The following SLC39A11 variants were observed in gnomAD, a reference collection of about 807,000 sequenced individuals.
SLC39A11 encodes the protein zinc transporter ZIP11.
In SLC39A11, 33 loss-of-function variants were observed where a neutral mutation model predicts 36.1. The observed-to-expected ratio is 0.91, with a 90% CI of 0.69 to 1.22. SLC39A11 has a LOEUF of 1.22. Ranked by LOEUF, SLC39A11 falls within the 50% of genes most tolerant of loss-of-function variation. The probability of loss-of-function intolerance (pLI) is 0.00; values close to 1 mark genes in which losing one functional copy is unlikely to be tolerated. For missense variants in SLC39A11, 432 were observed against 430.3 expected, an observed-to-expected ratio of 1.00 and a Z score of -0.03; for synonymous variants, 166 against 170.3, an observed-to-expected ratio of 0.97 and a Z score of 0.20.
At chr17:72,981,637 G>A (rs1038197924) in intron 4 of SLC39A11, among the ~76,000 whole-genome samples, 2 of 146,118 alleles carry the variant, frequency 1.4e-5, no homozygotes, top group African/African-American at 5.0e-5. Flanking sequence ...AAAAAAATAG[G>A]TATTTTTAAT....
chr17:72,782,986 C>T (rs1461247865), intron 6 of SLC39A11, among the ~76,000 whole-genome samples: 2 of 131,296 alleles, frequency 1.5e-5, no homozygotes, highest in African/African-American at 5.8e-5. Context: ...TGGATGACAG[C>T]GCAAGACTCT....
rs561995813 is a variant in SLC39A11, at chr17:72,802,100, A to G, written c.601+47534T>C. On this transcript the variant is annotated intron_variant, in intron 6 of 9. Transcript: ENST00000255559. ...CTGATTAAGGGGATTAAGGGAATGA[A>G]TCCCACCATCTCTGAATCTGGCTTC... Among the ~76,000 whole-genome samples the G allele has an allele frequency of 7.2e-5, 11 of 152,346 alleles. 1 individual carries two copies. Among genetic ancestry groups the G allele is most frequent in the African/African-American group, 2.4e-4 (10 of 41,576 alleles).
intron 5 of SLC39A11, among the ~76,000 whole-genome samples, chr17:72,881,623 T>C (rs1458888592): frequency 6.6e-6 from 1 of 152,248 alleles, no homozygotes; most frequent in East Asian, 1.9e-4. Flanking sequence ...TTTTATTTTT[T>C]TTTACTAAGT....
chr17:73,042,522 T>G (rs761600726), intron 3 of SLC39A11, among the ~76,000 whole-genome samples: 5 of 152,182 alleles, frequency 3.3e-5, no homozygotes, highest in Admixed American at 6.5e-5. Flanking sequence ...AGAAAGAGGC[T>G]GGGCATGGTA....
chr17:73,080,094 T>A (rs1476037298), intron 3 of SLC39A11, among the ~76,000 whole-genome samples: 1 of 151,970 alleles, frequency 6.6e-6, no homozygotes, highest in East Asian at 1.9e-4. Flanking sequence ...GCAATTCCCA[T>A]CAAAACACCA....
chr17:72,982,991 T>A (rs550896863), intron 4 of SLC39A11, among the ~76,000 whole-genome samples: 3 of 152,120 alleles, frequency 2.0e-5, no homozygotes, highest in African/African-American at 7.2e-5. Context: ...CTATTAAATA[T>A]CCACCAGGAT....
chr17:72,831,110 C>G (rs916611021), intron 6 of SLC39A11, among the ~76,000 whole-genome samples: 5 of 151,486 alleles, frequency 3.3e-5, no homozygotes, highest in Admixed American at 2.6e-4. Context: ...CTGTTTGCAC[C>G]TGCAAACAGG....
intron 7 of SLC39A11, among the ~76,000 whole-genome samples, chr17:72,677,844 A>C (rs2071339609): frequency 6.6e-6 from 1 of 152,190 alleles, no homozygotes; most frequent in South Asian, 2.1e-4. Context: ...AATGTGGTAC[A>C]TTTACACAAT....
intron 6 of SLC39A11, among the ~76,000 whole-genome samples, chr17:72,795,989 A>G (rs1174319070): frequency 6.6e-6 from 1 of 152,188 alleles, no homozygotes; most frequent in Non-Finnish European, 1.5e-5. Flanking sequence ...AATAGTATAT[A>G]GAAAATGACT....
At chr17:73,079,385 C>T (rs888696661) in intron 3 of SLC39A11, among the ~76,000 whole-genome samples, 2 of 152,194 alleles carry the variant, frequency 1.3e-5, no homozygotes, top group African/African-American at 4.8e-5. Flanking sequence ...GCATAAGCCA[C>T]CGCACCCAGC....
At chr17:73,014,820 C>G (rs2090719539) in intron 4 of SLC39A11, among the ~76,000 whole-genome samples, 1 of 152,188 alleles carries the variant, frequency 6.6e-6, no homozygotes, top group Admixed American at 6.5e-5. Flanking sequence ...AAGCCCCTGG[C>G]CGGCCTGCAG....
At chr17:73,069,618 T>C (rs983349830) in intron 3 of SLC39A11, among the ~76,000 whole-genome samples, 3 of 152,224 alleles carry the variant, frequency 2.0e-5, no homozygotes, top group Non-Finnish European at 4.4e-5. Flanking sequence ...AGCAATAATA[T>C]GCAATCCAAC....
intron 7 of SLC39A11, among the ~76,000 whole-genome samples, chr17:72,672,970 C>T (rs1033256250): frequency 5.3e-5 from 8 of 151,908 alleles, no homozygotes; most frequent in African/African-American, 1.7e-4. Context: ...TATCTGTGGC[C>T]GTTTTTGTTC....
intron 5 of SLC39A11, among the ~76,000 whole-genome samples, chr17:72,880,894 G>A (rs2081164685): frequency 1.2e-5 from 1 of 80,622 alleles, no homozygotes; most frequent in Non-Finnish European, 2.2e-5. Context: ...TGTAAGCCAG[G>A]ATGATCTCAA....
At chr17:72,929,182 C>T (rs182193504) in intron 5 of SLC39A11, among the ~76,000 whole-genome samples, 1 of 152,296 alleles carries the variant, frequency 6.6e-6, no homozygotes, top group African/African-American at 2.4e-5. Context: ...AGAGACCCAT[C>T]CTGCCCTACC....
chr17:72,887,246 A>C (rs1164377537), intron 5 of SLC39A11, among the ~76,000 whole-genome samples: 1 of 152,226 alleles, frequency 6.6e-6, no homozygotes, highest in East Asian at 1.9e-4. Context: ...GAATGGATCA[A>C]CTGGCTATCA....
intron 4 of SLC39A11, among the ~76,000 whole-genome samples, chr17:73,020,583 A>G (rs2058307326): frequency 6.6e-6 from 1 of 152,138 alleles, no homozygotes; most frequent in East Asian, 1.9e-4. Flanking sequence ...ATCTGAAAAG[A>G]ACTTCTGCTT....
intron 5 of SLC39A11, among the ~76,000 whole-genome samples, chr17:72,870,305 C>T (rs956931224): frequency 6.6e-5 from 7 of 106,716 alleles, no homozygotes; most frequent in Admixed American, 5.7e-4. Flanking sequence ...CCCAGATTAT[C>T]TCTGAACATC....
chr17:72,790,364 A>G (rs137963816), intron 6 of SLC39A11, among the ~76,000 whole-genome samples: 51 of 152,302 alleles, frequency 3.3e-4, no homozygotes, highest in African/African-American at 9.4e-4. Context: ...GGCAGTGCTC[A>G]TCTGAACAAC....
Sources: gnomAD v4.1 joint callset for allele counts (sites outside exome capture counted in the v4.1 genomes callset) on GRCh38, gnomAD v4.1.1 for gene constraint, MANE v1.5 for transcripts, NCBI Gene and HGNC (gene_info 2026-07-23, HGNC 2026-07-21) for gene names.